ACAA1: variants seen among roughly 807,000 people sequenced by gnomAD.
ACAA1 encodes acetyl-CoA acyltransferase 1, also known as 3-ketoacyl-CoA thiolase, peroxisomal.
A neutral mutation model predicts 48.8 loss-of-function variants in ACAA1; 44 were observed. The observed-to-expected ratio is 0.90, with a 90% CI of 0.71 to 1.16. The LOEUF is 1.16. ACAA1 is among the 50% of genes most tolerant of loss of function. The pLI is 0.00. For missense variants in ACAA1, 512 were observed against 562.3 expected (o/e 0.91, Z 0.90); for synonymous variants, 233 against 226.5 (o/e 1.03, Z -0.26).
chr3:38,123,056 A>G lies in ACAA1; in HGVS notation c.1266T>C (p.Pro422=), dbSNP rs1553626246. The G allele has an allele frequency of 1.9e-6, 3 of 1,614,130 alleles. No individual in the cohort carries two copies. In the Admixed American group the frequency reaches 5.0e-5, roughly 27 times the overall value. ...CAGCCTGGGACCTCACTCAGTTCCC[A>G]GGGTATTCAAAGACGGCAGCGGCTC... The part of the protein sequence containing the change: ...GMGAAAVFEY[P]GN Residue 422 remains proline (P), a synonymous_variant, in exon 12 of 12, where the codon CCT becomes CCC. Coordinates refer to ENST00000333167, the MANE Select transcript of ACAA1 (RefSeq NM_001607.4).
At chr3:38,127,981 T>G (rs1700712540) in intron 6 of ACAA1, 115 bp from the exon 7 acceptor site, 3 of 938,612 alleles carry the variant, frequency 3.2e-6, no homozygotes, top group Non-Finnish European at 5.2e-6. Context: ...CAGGACAGGA[T>G]GTAAGGGCCA....
Position 38,136,995 on chromosome 3 carries a change from G to A in ACAA1, c.41C>T (p.Pro14Leu). ...LQVVLGHLRG[P>L]ADSGWMPQAA... The stretch of plus-strand genomic sequence containing the variant: ...CTGCGGCATCCAGCCGGAATCGGCC[G>A]GACCCCTCAGGTGGCCCAGCACTAC... Residue 14 changes from proline (P) to leucine (L), a missense_variant, in exon 1 of 12, where the codon CCG becomes CTG. By Grantham distance (98) the Pro-to-Leu change is moderately conservative. Coordinates refer to ENST00000333167, the MANE Select transcript of ACAA1 (RefSeq NM_001607.4). 2 of 1,563,820 alleles carry A rather than the reference G, an allele frequency of 1.3e-6. No individual in the cohort carries two copies. Among genetic ancestry groups the A allele is most frequent in the East Asian group, 2.4e-5 (1 of 41,362 alleles).
chr3:38,132,011 A>G lies in ACAA1; in HGVS notation c.324-6T>C, dbSNP rs1460898791. Reference sequence around the variant, plus strand: ...GCACAGTCTCCGGGATGTCACTGAAACAGAAGGTGAGAAAGTAGAATCAGC... The same window carrying G: ...GCACAGTCTCCGGGATGTCACTGAAGCAGAAGGTGAGAAAGTAGAATCAGC... On this transcript the variant is annotated splice_region_variant and splice_polypyrimidine_tract_variant and intron_variant, in intron 3 of 11. Coordinates refer to ENST00000333167, the MANE Select transcript of ACAA1 (RefSeq NM_001607.4). 2 of 1,611,726 alleles carry G rather than the reference A, an allele frequency of 1.2e-6. No individual in the cohort carries two copies. The highest frequency in any genetic ancestry group is 1.7e-6 in the Non-Finnish European group (2 of 1,178,204).
Position 38,122,813 on chromosome 3 carries a change from C to G in ACAA1, c.*234G>C. 1 of 923,766 alleles carries G rather than the reference C, an allele frequency of 1.1e-6. No individual in the cohort carries two copies. Among genetic ancestry groups the G allele is most frequent in the Non-Finnish European group, 1.6e-6 (1 of 638,702 alleles). 57.2% of individuals were successfully genotyped at this position (923,766 alleles called of 1,614,324 possible). A position where few individuals can be genotyped will look rare whatever the true frequency, so the allele number is the denominator to read the frequency against. On this transcript the variant is annotated 3_prime_UTR_variant, in exon 12 of 12. Coordinates refer to ENST00000333167, the MANE Select transcript of ACAA1 (RefSeq NM_001607.4). ...GGCCTTGTGGCCTGGGTGACCCAGG[C>G]TGCTTTTATCTTGCACAGCTAAAGA...
intron 11 of ACAA1, 26 bp downstream of exon 11, chr3:38,125,538 AC>A: frequency 6.6e-7 from 1 of 1,519,312 alleles, no homozygotes; most frequent in Non-Finnish European, 8.8e-7. Flanking sequence ...TCCCCCTATG[AC>A]CCCACCGCCA....
intron 5 of ACAA1, among the ~76,000 whole-genome samples, chr3:38,130,443 A>C (rs1422272794): frequency 2.0e-5 from 3 of 152,190 alleles, no homozygotes; most frequent in Non-Finnish European, 1.5e-5. Flanking sequence ...ATCCATGGTG[A>C]CCCAGCCTGG....
chr3:38,126,784 C>T lies in ACAA1; in HGVS notation c.627-84G>A, dbSNP rs1312914194. On this transcript the variant is annotated intron_variant, in intron 7 of 11. Coordinates refer to ENST00000333167, the MANE Select transcript of ACAA1 (RefSeq NM_001607.4). This position sits in a 1 kb window ranked among gnomAD's most constrained non-coding sequence, Gnocchi z 4.7. The stretch of plus-strand genomic sequence containing the variant: ...CCCAACCCCTATCCATTTGGGTAGA[C>T]ACAAGCTCAGGCTGCTAAATTCAGG... 1.3e-6 allele frequency: 2 copies of T among 1,526,326 alleles called. No homozygotes were observed. The highest frequency in any genetic ancestry group is 1.8e-6 in the Non-Finnish European group (2 of 1,114,658). The allele number at this position is 1,526,326 out of a possible 1,614,324, so 94.5% of individuals were successfully genotyped here. A position where few individuals can be genotyped will look rare whatever the true frequency, so the allele number is the denominator to read the frequency against.
At chr3:38,131,883 C>T (rs747650775) in intron 4 of ACAA1, 43 bp downstream of exon 4, 5 of 1,569,886 alleles carry the variant, frequency 3.2e-6, no homozygotes, top group Non-Finnish European at 4.4e-6. Flanking sequence ...CTGACCCAAA[C>T]CCACAGGTCC....
chr3:38,134,343 T>A (rs536311596), intron 2 of ACAA1: 4 of 423,542 alleles, frequency 9.4e-6, no homozygotes, highest in South Asian at 8.7e-5. Flanking sequence ...GGTATCCTCC[T>A]GTGAGCCCTG....
chr3:38,129,204 C>A lies in ACAA1; in HGVS notation c.545+86G>T. The A allele has an allele frequency of 2.4e-6, 3 of 1,254,576 alleles. No individual in the cohort carries two copies. Among genetic ancestry groups the A allele is most frequent in the Admixed American group, 3.8e-5 (2 of 52,746 alleles). The allele number at this position is 1,254,576 out of a possible 1,614,324, so 77.7% of individuals were successfully genotyped here. On this transcript the variant is annotated intron_variant, in intron 6 of 11. Coordinates refer to ENST00000333167, the MANE Select transcript of ACAA1 (RefSeq NM_001607.4). This position sits in a 1 kb window ranked among gnomAD's most constrained non-coding sequence, Gnocchi z 5.3. The stretch of plus-strand genomic sequence containing the variant: ...AAGGAAGGAGGCCAAGGCTTGGCAC[C>A]ACCAGCCACAGAGATGATAAAAGTT...
At chr3:38,125,780 C>A in intron 10 of ACAA1, 46 bp downstream of exon 10, 1 of 1,614,196 alleles carries the variant, frequency 6.2e-7, no homozygotes, top group South Asian at 1.1e-5. Context: ...GCTCACTCCA[C>A]CTCGGCTGTC....
chr3:38,131,477 G>A, intron 5 of ACAA1, 119 bp downstream of exon 5: 1 of 1,058,752 alleles, frequency 9.4e-7, no homozygotes, highest in Admixed American at 1.8e-5. Flanking sequence ...ACCCACTCGT[G>A]GCCAGCTGCC....
chr3:38,126,215 T>G lies in ACAA1; in HGVS notation c.944A>C (p.Asp315Ala), dbSNP rs963549652. The change falls in exon 9 of 12, where the codon GAC becomes GCC. Residue 315 changes from aspartate (D) to alanine (A), a missense_variant. Transcript: ENST00000333167. The surrounding 1 kb of genome is among the most constrained non-coding windows in gnomAD (Gnocchi z 4.7). Reference sequence around the variant, plus strand: ...ATAGGCAGGTCCAATGCCCATGATGTCAGGTGGGACCCCAACCACTGCATA... The same window carrying G: ...ATAGGCAGGTCCAATGCCCATGATGGCAGGTGGGACCCCAACCACTGCATA... The part of the protein sequence containing the change: ...RSYAVVGVPP[D>A]IMGIGPAYAI... The G allele has an allele frequency of 3.7e-6, 6 of 1,614,024 alleles. No homozygotes were observed. Among genetic ancestry groups the G allele is most frequent in the Non-Finnish European group, 5.1e-6 (6 of 1,180,026 alleles).
chr3:38,123,577 C>T (rs1700592722), intron 11 of ACAA1: 1 of 165,510 alleles, frequency 6.0e-6, no homozygotes, highest in Non-Finnish European at 1.3e-5. Context: ...GTGGCATCTA[C>T]TTGTAGTCCC....
chr3:38,125,704 A>G lies in ACAA1; in HGVS notation c.1060T>C (p.Tyr354His), dbSNP rs377017874. 1.2e-6 allele frequency: 2 copies of G among 1,607,322 alleles called. No individual in the cohort carries two copies. Among genetic ancestry groups the G allele is most frequent in the African/African-American group, 2.7e-5 (2 of 74,838 alleles). Residue 354 changes from tyrosine to histidine, a missense_variant, in exon 11 of 12, where the codon TAC (tyrosine) becomes CAC (histidine). Physicochemically the swap from Tyr to His is moderately conservative, Grantham distance 83. Transcript: ENST00000333167. ...GGGAGTCGTAGCTTCTCCACACAGT[A>G]GGCAGCCTGGAAGGAGGCAGATCAT... ...INEAFASQAA[Y>H]CVEKLRLPPE...
At chr3:38,135,830 G>T (rs1700880019) in intron 2 of ACAA1, among the ~76,000 whole-genome samples, 1 of 152,112 alleles carries the variant, frequency 6.6e-6, no homozygotes, top group African/African-American at 2.4e-5. Flanking sequence ...TGTCTGCAAA[G>T]AGGCCTTCCT....
rs755081788 is a variant in ACAA1 at position 38,129,337 on chromosome 3, C to T, written c.498G>A (p.Ser166=). 34 of 1,614,110 alleles carry T rather than the reference C, an allele frequency of 2.1e-5. No individual in the cohort carries two copies. The highest frequency in any genetic ancestry group is 1.1e-4 in the East Asian group (5 of 44,876). The change falls in exon 6 of 12, where the codon TCG becomes TCA. Residue 166 remains serine (S), a synonymous_variant. Transcript: ENST00000333167. The surrounding 1 kb of genome is among the most constrained non-coding windows in gnomAD (Gnocchi z 5.3). Reference sequence around the variant, plus strand: ...TGGCCTTCTCCTTCTCCATCAAGCGCGAAGTAATATTTCCAGGGTTCCCTC... The same window carrying T: ...TGGCCTTCTCCTTCTCCATCAAGCGTGAAGTAATATTTCCAGGGTTCCCTC... ...ADRGNPGNIT[S]RLMEKEKARD... is the part of the protein sequence containing the mutation.
chr3:38,125,451 G>A lies in ACAA1; in HGVS notation c.1199+114C>T, dbSNP rs962425181. On this transcript the variant is annotated intron_variant, in intron 11 of 11. Transcript: ENST00000333167. Reference sequence around the variant, plus strand: ...TCAACATTTGGGATTATGGTGCTCAGGACTGTGTCTGTCGAGATTATGATC... The same window carrying A: ...TCAACATTTGGGATTATGGTGCTCAAGACTGTGTCTGTCGAGATTATGATC... 15 of 1,337,776 alleles carry A rather than the reference G, an allele frequency of 1.1e-5. No homozygotes were observed. In the Admixed American group the frequency reaches 3.5e-4, roughly 31 times the overall value. The allele number at this position is 1,337,776 out of a possible 1,614,324, so 82.9% of individuals were successfully genotyped here.
At chr3:38,128,738 C>T (rs1197104476) in intron 6 of ACAA1, among the ~76,000 whole-genome samples, 1 of 152,148 alleles carries the variant, frequency 6.6e-6, no homozygotes, top group Non-Finnish European at 1.5e-5. Flanking sequence ...ACTACAGGCG[C>T]TCACCACCGC....
Sources: gnomAD v4.1 joint callset for allele counts (sites outside exome capture counted in the v4.1 genomes callset) on GRCh38, gnomAD v4.1.1 for gene constraint, Gnocchi (gnomAD v3.1) non-coding constraint, MANE v1.5 for transcripts, NCBI Gene and HGNC (gene_info 2026-07-23, HGNC 2026-07-21) for gene names.